OR1I1: variants seen among roughly 807,000 people sequenced by gnomAD.
The protein encoded by OR1I1 is olfactory receptor family 1 subfamily I member 1.
For missense variants in OR1I1, 451 were observed against 443.6 expected, an observed-to-expected ratio of 1.02 and a Z score of -0.15; for synonymous variants, 171 against 181.4, an observed-to-expected ratio of 0.94 and a Z score of 0.46.
chr19:15,083,847 G>C (rs1268813338), intron 1 of OR1I1, among the ~76,000 whole-genome samples: 2 of 152,094 alleles, frequency 1.3e-5, no homozygotes, highest in Non-Finnish European at 2.9e-5. Flanking sequence ...AATTAATCGG[G>C]CGTGGTGATG....
At chr19:15,084,056 T>C (rs895827052) in intron 1 of OR1I1, among the ~76,000 whole-genome samples, 9 of 152,124 alleles carry the variant, frequency 5.9e-5, no homozygotes, top group African/African-American at 2.2e-4. Context: ...GCACAGAATT[T>C]AGCTTCGAAA....
chr19:15,082,376 A>T (rs1228581063), intron 1 of OR1I1, 100 bp downstream of exon 1: 2 of 150,832 alleles, frequency 1.3e-5, no homozygotes, highest in Non-Finnish European at 2.9e-5. Context: ...CCCCTTGGTG[A>T]TGCCATCCTG....
intron 1 of OR1I1, among the ~76,000 whole-genome samples, chr19:15,085,176 A>ATATTTTTTT (rs1555717400): frequency 2.5e-5 from 2 of 80,124 alleles, no homozygotes; most frequent in Non-Finnish European, 4.6e-5. Flanking sequence ...ATATATATAT[A>ATATTTTTTT]TTTTTTTTTT....
chr19:15,092,119 G>C lies in OR1I1; in HGVS notation c.*3986G>C, dbSNP rs977793024. The C allele has an allele frequency of 4.3e-5, 1 of 23,242 alleles. No individual in the cohort carries two copies. The highest frequency in any genetic ancestry group is 1.3e-4 in the African/African-American group (1 of 7,586). The allele number at this position is 23,242 out of a possible 1,614,324, so 1.4% of individuals were successfully genotyped here. A position where few individuals can be genotyped will look rare whatever the true frequency, so the allele number is the denominator to read the frequency against. On this transcript the variant is annotated 3_prime_UTR_variant, in exon 2 of 2. Transcript: ENST00000641398. ...TTTTTTTTTTTTTTTTTGGTTTTTG[G>C]TTGTTTTTTTTTTTTCCCCGGAAAC...
rs2046240450 is a variant in OR1I1 at position 15,088,337 on chromosome 19, G to A, written c.*204G>A. The A allele has an allele frequency of 3.5e-6, 2 of 578,992 alleles. No individual in the cohort carries two copies. Among genetic ancestry groups the A allele is most frequent in the Non-Finnish European group, 5.9e-6 (2 of 338,010 alleles). 35.9% of individuals were successfully genotyped at this position (578,992 alleles called of 1,614,324 possible). A position where few individuals can be genotyped will look rare whatever the true frequency, so the allele number is the denominator to read the frequency against. The stretch of plus-strand genomic sequence containing the variant: ...TGAATAAGAGTAGTTGAAAACAAGA[G>A]ACGTAGCTACACTCATTTTAGTATT... On this transcript the variant is annotated 3_prime_UTR_variant, in exon 2 of 2. Coordinates refer to ENST00000641398, the MANE Select transcript of OR1I1 (RefSeq NM_001004713.2).
rs1476221790 is a variant in OR1I1 at position 15,085,153 on chromosome 19, TATATATATA to T, written c.-13-1899_-13-1891del. ...ACTTATATATATATATATATATATA[TATATATATA>T]TATATATATATATATTTTTTTTTTT... On this transcript the variant is annotated intron_variant, in intron 1 of 1. Coordinates refer to ENST00000641398, the MANE Select transcript of OR1I1 (RefSeq NM_001004713.2). 5.6e-3 allele frequency among the ~76,000 whole-genome samples: 304 copies of T among 54,082 alleles called. 18 individuals are homozygous for T. The highest frequency in any genetic ancestry group is 0.019 in the African/African-American group (290 of 15,342). The allele number at this position is 54,082 out of a possible 152,430, so 35.5% of individuals were successfully genotyped here. A position where few individuals can be genotyped will look rare whatever the true frequency, so the allele number is the denominator to read the frequency against.
At chr19:15,086,599 G>T (rs990283510) in intron 1 of OR1I1, among the ~76,000 whole-genome samples, 1 of 151,948 alleles carries the variant, frequency 6.6e-6, no homozygotes. Flanking sequence ...GATTGCAGGC[G>T]CCCACCACCA....
intron 1 of OR1I1, among the ~76,000 whole-genome samples, chr19:15,084,890 G>A (rs2046222044): frequency 2.0e-5 from 3 of 151,688 alleles, no homozygotes; most frequent in South Asian, 4.2e-4. Context: ...AGGCTGAGGT[G>A]GGAGGAACAC....
rs764790952 is a variant in OR1I1, at chr19:15,087,700, C to T, written c.635C>T (p.Ser212Phe). Residue 212 changes from serine (S) to phenylalanine (F), a missense_variant, in exon 2 of 2, where the codon TCC becomes TTC. Physicochemically the swap from Ser to Phe is radical, Grantham distance 155. Coordinates refer to ENST00000641398, the MANE Select transcript of OR1I1 (RefSeq NM_001004713.2). Reference protein sequence around the residue: ...FGIVVGTSPFSCILLSYIRIF... With the variant: ...FGIVVGTSPFFCILLSYIRIF... Reference sequence around the variant, plus strand: ...ATTGTCGTGGGCACCAGCCCATTCTCCTGCATCCTTCTCTCGTACATCCGC... The same window carrying T: ...ATTGTCGTGGGCACCAGCCCATTCTTCTGCATCCTTCTCTCGTACATCCGC... 9 of 1,614,118 alleles carry T rather than the reference C, an allele frequency of 5.6e-6. No homozygotes were observed. In the Admixed American group the frequency reaches 1.0e-4, roughly 18 times the overall value.
In OR1I1 at chr19:15,087,600, T is replaced by C. The variant is rs771203449; in HGVS notation, c.535T>C (p.Cys179Arg). 14 of 1,613,948 alleles carry C rather than the reference T, an allele frequency of 8.7e-6. No homozygotes were observed. The highest frequency in any genetic ancestry group is 3.3e-5 in the Admixed American group (2 of 59,994). ...CAGSEISHFF[C>R]DLMPLLKLSG... ...CGGCTCTGAAATCTCCCACTTCTTC[T>C]GTGACCTCATGCCCCTGCTGAAGCT... is the stretch of plus-strand genomic sequence containing the variant. Residue 179 changes from cysteine (C) to arginine (R), a missense_variant, in exon 2 of 2, where the codon TGT (cysteine) becomes CGT (arginine). Coordinates refer to ENST00000641398, the MANE Select transcript of OR1I1 (RefSeq NM_001004713.2).
Position 15,089,076 on chromosome 19 carries a change from G to GATAGATACATAGA in OR1I1, c.*943_*944insATAGATACATAGA. ...GGATAGATAGAGATAGAGGAGGTAG[G>GATAGATACATAGA]TAGATAGATAGATAGATAGATAGGT... On this transcript the variant is annotated 3_prime_UTR_variant, in exon 2 of 2. Transcript: ENST00000641398. The GATAGATACATAGA allele has an allele frequency of 6.6e-6, 1 of 151,362 alleles. No homozygotes were observed. Among genetic ancestry groups the GATAGATACATAGA allele is most frequent in the Non-Finnish European group, 1.5e-5 (1 of 67,790 alleles). 9.4% of individuals were successfully genotyped at this position (151,362 alleles called of 1,614,324 possible).
At position 15,091,647 on chromosome 19, in the gene OR1I1, A is replaced by C. The variant is rs1036552936; in HGVS notation, c.*3514A>C. 3 of 149,320 alleles carry C rather than the reference A, an allele frequency of 2.0e-5. 1 individual carries two copies. The highest frequency in any genetic ancestry group is 4.4e-5 in the Non-Finnish European group (3 of 67,702). 9.2% of individuals were successfully genotyped at this position (149,320 alleles called of 1,614,324 possible). A position where few individuals can be genotyped will look rare whatever the true frequency, so the allele number is the denominator to read the frequency against. ...GCACCCCAGCCTGGGTGACAGAGCG[A>C]GACTCCTCCTCAATTTAAAAAAAAA... On this transcript the variant is annotated 3_prime_UTR_variant, in exon 2 of 2. Transcript: ENST00000641398.
chr19:15,082,307 T>C (rs954726143), intron 1 of OR1I1, 31 bp downstream of exon 1: 3 of 152,150 alleles, frequency 2.0e-5, no homozygotes, highest in East Asian at 1.9e-4. Context: ...TCCTAGGGGT[T>C]TAGTGCTGAC....
At chr19:15,083,832 A>G (rs1001501520) in intron 1 of OR1I1, among the ~76,000 whole-genome samples, 6 of 152,118 alleles carry the variant, frequency 3.9e-5, no homozygotes, top group Admixed American at 1.3e-4. Context: ...TACTAAAAAT[A>G]CAAAAATTAA....
At position 15,092,385 on chromosome 19, in the gene OR1I1, T is replaced by C. The variant is rs1011235330; in HGVS notation, c.*4252T>C. On this transcript the variant is annotated 3_prime_UTR_variant, in exon 2 of 2. Transcript: ENST00000641398. The stretch of plus-strand genomic sequence containing the variant: ...CGGGGAGTGGGACCATGACAAGGTT[T>C]AAGGAGGATAGGGGGTGGGGCTGTG... 6.6e-6 allele frequency: 1 copy of C among 152,090 alleles called. No homozygotes were observed. The highest frequency in any genetic ancestry group is 2.4e-5 in the African/African-American group (1 of 41,354). 9.4% of individuals were successfully genotyped at this position (152,090 alleles called of 1,614,324 possible). A position where few individuals can be genotyped will look rare whatever the true frequency, so the allele number is the denominator to read the frequency against.
chr19:15,092,958 C>G lies in OR1I1; in HGVS notation c.*4825C>G, dbSNP rs1432841819. ...AGGCTGCAGTGAGCTATGATTGCAC[C>G]ACCGCACTCCAGCCTGGGGGATAGA... On this transcript the variant is annotated 3_prime_UTR_variant, in exon 2 of 2. Coordinates refer to ENST00000641398, the MANE Select transcript of OR1I1 (RefSeq NM_001004713.2). The G allele has an allele frequency of 1.3e-5, 2 of 152,084 alleles. No individual in the cohort carries two copies. The highest frequency in any genetic ancestry group is 3.9e-4 in the East Asian group (2 of 5,192). 9.4% of individuals were successfully genotyped at this position (152,084 alleles called of 1,614,324 possible). A position where few individuals can be genotyped will look rare whatever the true frequency, so the allele number is the denominator to read the frequency against.
chr19:15,087,749 C>T lies in OR1I1; in HGVS notation c.684C>T (p.Ile228=). 1 of 1,614,244 alleles carries T rather than the reference C, an allele frequency of 6.2e-7. No homozygotes were observed. Among genetic ancestry groups the T allele is most frequent in the Admixed American group, 1.7e-5 (1 of 60,022 alleles). The part of the protein sequence containing the change: ...YIRIFWTVFK[I]PSTRGKWKAF... ...GCATTTTCTGGACAGTCTTTAAGAT[C>T]CCTTCTACTCGGGGCAAGTGGAAAG... The change falls in exon 2 of 2, where the codon ATC becomes ATT. Residue 228 remains isoleucine (I), a synonymous_variant. Transcript: ENST00000641398.
intron 1 of OR1I1, among the ~76,000 whole-genome samples, chr19:15,083,913 A>G (rs1417349952): frequency 6.6e-6 from 1 of 152,206 alleles, no homozygotes; most frequent in African/African-American, 2.4e-5. Context: ...ACTTGAACCC[A>G]GGAGACGGAT....
At position 15,087,540 on chromosome 19, in the gene OR1I1, C is replaced by T; in HGVS notation, c.475C>T (p.His159Tyr). The T allele has an allele frequency of 1.2e-6, 2 of 1,614,176 alleles. No homozygotes were observed. The highest frequency in any genetic ancestry group is 1.7e-6 in the Non-Finnish European group (2 of 1,180,040). ...WMITNLQSLI[H>Y]TCLMAQLTFC... Reference sequence around the variant, plus strand: ...GATCACCAACCTCCAGTCTCTCATACACACCTGCCTCATGGCTCAACTGAC... The same window carrying T: ...GATCACCAACCTCCAGTCTCTCATATACACCTGCCTCATGGCTCAACTGAC... The change falls in exon 2 of 2, where the codon CAC (histidine) becomes TAC (tyrosine). Residue 159 changes from histidine (H) to tyrosine (Y), a missense_variant. By Grantham distance (83) the His-to-Tyr change is moderately conservative. Transcript: ENST00000641398.
Sources: allele counts gnomAD v4.1 joint callset (sites outside exome capture counted in the v4.1 genomes callset), GRCh38; gene constraint gnomAD v4.1.1; transcripts MANE v1.5; gene names NCBI Gene and HGNC (gene_info 2026-07-23, HGNC 2026-07-21).